SOCS5: variants seen among roughly 807,000 people sequenced by gnomAD.
SOCS5 encodes CIS-6.
A neutral mutation model predicts 42.8 loss-of-function variants in SOCS5; 32 were observed. The ratio of observed to expected loss-of-function variants is 0.75; its 90% CI spans 0.56 to 1.01. The LOEUF (loss-of-function observed/expected upper bound fraction) is 1.01. Ranked by LOEUF, SOCS5 falls within the 50% of genes least tolerant of loss-of-function variation. The pLI is 0.00. For synonymous variants in SOCS5, 283 were observed against 229.6 expected (o/e 1.23, Z -2.10); for missense variants, 627 against 653.0 (o/e 0.96, Z 0.43).
At chr2:46,747,327 C>T (rs1673525257) in intron 1 of SOCS5, among the ~76,000 whole-genome samples, 1 of 151,910 alleles carries the variant, frequency 6.6e-6, no homozygotes, top group Non-Finnish European at 1.5e-5. Context: ...CTCAAGTGAT[C>T]CTCCCACCTC....
intron 1 of SOCS5, among the ~76,000 whole-genome samples, chr2:46,737,092 T>C (rs1673269815): frequency 6.6e-6 from 1 of 152,164 alleles, no homozygotes; most frequent in South Asian, 2.1e-4. Flanking sequence ...AGCAAGTAAT[T>C]TATCACCTCT....
intron 1 of SOCS5, among the ~76,000 whole-genome samples, chr2:46,711,485 T>G (rs1337378844): frequency 1.3e-5 from 2 of 152,248 alleles, no homozygotes; most frequent in African/African-American, 4.8e-5. Context: ...ATTTTACTGT[T>G]AAGTTTTAGG....
intron 1 of SOCS5, among the ~76,000 whole-genome samples, chr2:46,708,800 A>G (rs1187348033): frequency 6.6e-6 from 1 of 151,706 alleles, no homozygotes; most frequent in Non-Finnish European, 1.5e-5. Flanking sequence ...TTATCCCTCA[A>G]CTAGAGTTTC....
intron 1 of SOCS5, among the ~76,000 whole-genome samples, chr2:46,704,891 T>C (rs372604948): frequency 5.1e-4 from 77 of 152,186 alleles, no homozygotes; most frequent in African/African-American, 1.7e-3. Context: ...GAAATCAGCA[T>C]TGGGCTCTGA....
At chr2:46,753,848 T>A (rs1362634648) in intron 1 of SOCS5, among the ~76,000 whole-genome samples, 1 of 152,200 alleles carries the variant, frequency 6.6e-6, no homozygotes, top group Non-Finnish European at 1.5e-5. Context: ...TTATAAGCTG[T>A]CATGGTGCTG....
In SOCS5 at chr2:46,761,186, G is replaced by A. The variant is rs1673861181; in HGVS notation, c.*1045G>A. 2 of 167,152 alleles carry A rather than the reference G, an allele frequency of 1.2e-5. No individual in the cohort carries two copies. The highest frequency in any genetic ancestry group is 4.8e-5 in the African/African-American group (2 of 41,562). 10.4% of individuals were successfully genotyped at this position (167,152 alleles called of 1,614,324 possible). Reference sequence around the variant, plus strand: ...TGGAAAATCTGAAACCTAAATTGCAGATTTAAAAGGTACTGTACAACCATT... The same window carrying A: ...TGGAAAATCTGAAACCTAAATTGCAAATTTAAAAGGTACTGTACAACCATT... On this transcript the variant is annotated 3_prime_UTR_variant, in exon 2 of 2. Transcript: ENST00000394861.
At chr2:46,722,800 T>G (rs1392140506) in intron 1 of SOCS5, among the ~76,000 whole-genome samples, 1 of 152,142 alleles carries the variant, frequency 6.6e-6, no homozygotes, top group African/African-American at 2.4e-5. Flanking sequence ...CACAATGTTA[T>G]GAGAGTTCTA....
chr2:46,728,217 G>C (rs1673039275), intron 1 of SOCS5, among the ~76,000 whole-genome samples: 1 of 152,090 alleles, frequency 6.6e-6, no homozygotes, highest in Admixed American at 6.5e-5. Flanking sequence ...ATTGAATTTT[G>C]ATATTTTGCC....
intron 1 of SOCS5, among the ~76,000 whole-genome samples, chr2:46,750,515 A>G (rs1176045208): frequency 6.6e-6 from 1 of 152,186 alleles, no homozygotes; most frequent in African/African-American, 2.4e-5. Flanking sequence ...GAAAAATACA[A>G]GAACTTATTA....
At chr2:46,730,056 TA>T (rs1268161767) in intron 1 of SOCS5, among the ~76,000 whole-genome samples, 2 of 152,162 alleles carry the variant, frequency 1.3e-5, no homozygotes, top group African/African-American at 4.8e-5. Flanking sequence ...ATCATTAGAA[TA>T]GGAGTTTTTC....
chr2:46,762,729 G>A lies in SOCS5; in HGVS notation c.*2588G>A, dbSNP rs1673897016. The A allele has an allele frequency of 6.0e-6, 1 of 166,042 alleles. No individual in the cohort carries two copies. The highest frequency in any genetic ancestry group is 2.4e-5 in the African/African-American group (1 of 41,346). 10.3% of individuals were successfully genotyped at this position (166,042 alleles called of 1,614,324 possible). ...ATTGTAGCCTGTCAACTAAATTTGAGTGTTAACGGTCTTTTTAAAGTGCAT... is the reference window on the plus strand; with the variant it reads ...ATTGTAGCCTGTCAACTAAATTTGAATGTTAACGGTCTTTTTAAAGTGCAT... On this transcript the variant is annotated 3_prime_UTR_variant, in exon 2 of 2. Coordinates refer to ENST00000394861, the MANE Select transcript of SOCS5 (RefSeq NM_144949.3).
intron 1 of SOCS5, among the ~76,000 whole-genome samples, chr2:46,730,811 G>A (rs565652243): frequency 6.6e-6 from 1 of 152,150 alleles, no homozygotes. Flanking sequence ...TGAAGTATAT[G>A]TAGGCTAGGA....
chr2:46,707,032 C>T (rs1672509840), intron 1 of SOCS5, among the ~76,000 whole-genome samples: 1 of 152,034 alleles, frequency 6.6e-6, no homozygotes, highest in African/African-American at 2.4e-5. Context: ...TGGAGGAATA[C>T]TGATGTTCCT....
chr2:46,701,609 T>A (rs1053348379), intron 1 of SOCS5, among the ~76,000 whole-genome samples: 1 of 151,876 alleles, frequency 6.6e-6, no homozygotes, highest in Non-Finnish European at 1.5e-5. Flanking sequence ...ATTTGTTCCC[T>A]TCTAAGGATG....
At chr2:46,723,371 A>C (rs1351360843) in intron 1 of SOCS5, among the ~76,000 whole-genome samples, 1 of 151,050 alleles carries the variant, frequency 6.6e-6, no homozygotes, top group African/African-American at 2.4e-5. Flanking sequence ...GTATTTTGTC[A>C]CAATGATTTT....
intron 1 of SOCS5, among the ~76,000 whole-genome samples, chr2:46,725,437 C>T (rs920556691): frequency 2.0e-5 from 3 of 151,730 alleles, no homozygotes; most frequent in Non-Finnish European, 2.9e-5. Flanking sequence ...TTTATTGTTC[C>T]TCTTTTCCCC....
chr2:46,746,496 A>C (rs1329693555), intron 1 of SOCS5, among the ~76,000 whole-genome samples: 4 of 152,048 alleles, frequency 2.6e-5, no homozygotes, highest in African/African-American at 9.7e-5. Context: ...GTAAAAATAC[A>C]AAAAATTAGC....
intron 1 of SOCS5, among the ~76,000 whole-genome samples, chr2:46,722,401 G>C (rs1050059485): frequency 2.6e-5 from 4 of 152,098 alleles, no homozygotes; most frequent in African/African-American, 9.7e-5. Context: ...CATTTAACTT[G>C]AGGTATATGT....
At chr2:46,729,406 A>G (rs903957812) in intron 1 of SOCS5, among the ~76,000 whole-genome samples, 1 of 152,240 alleles carries the variant, frequency 6.6e-6, no homozygotes, top group Non-Finnish European at 1.5e-5. Context: ...TTCGACCATC[A>G]TAGACAAGAC....
Sources: allele counts gnomAD v4.1 joint callset (sites outside exome capture counted in the v4.1 genomes callset), GRCh38; gene constraint gnomAD v4.1.1; transcripts MANE v1.5; gene names NCBI Gene and HGNC (gene_info 2026-07-23, HGNC 2026-07-21).